LRRC1: variants seen among roughly 807,000 people sequenced by gnomAD.
The protein encoded by LRRC1 is leucine-rich repeat-containing protein 1.
LRRC1 carries 28 observed loss-of-function variants against 69.9 expected under a neutral mutation model. That is an observed-to-expected ratio of 0.40 (90% confidence interval 0.30 to 0.55). The LOEUF (loss-of-function observed/expected upper bound fraction) is 0.55. LRRC1 is among the 20% of genes least tolerant of loss of function. LRRC1 has a pLI of 0.47. For missense variants in LRRC1, 498 were observed against 609.0 expected, an observed-to-expected ratio of 0.82 and a Z score of 1.92; for synonymous variants, 236 against 240.2, an observed-to-expected ratio of 0.98 and a Z score of 0.16.
At chr6:53,800,375 C>G (rs748600173) in intron 1 of LRRC1, among the ~76,000 whole-genome samples, 2 of 148,920 alleles carry the variant, frequency 1.3e-5, no homozygotes, top group Non-Finnish European at 3.0e-5. Flanking sequence ...CTCAGCCTCT[C>G]GAGTAAGCTG....
chr6:53,879,137 AAC>A lies in LRRC1; in HGVS notation c.356+70_356+71del, dbSNP rs1767176639. On this transcript the variant is annotated intron_variant, in intron 3 of 13. Transcript: ENST00000370888. ...TATCTTTTTTGAGAGCCAAGCGGAG[AAC>A]ACAGTCAGGTTAACCATCTTGGAGG... The A allele has an allele frequency of 2.1e-5, 23 of 1,100,548 alleles. No homozygotes were observed. The South Asian group carries it at 2.6e-4, about 13-fold the overall frequency. 68.2% of individuals were successfully genotyped at this position (1,100,548 alleles called of 1,614,324 possible). A position where few individuals can be genotyped will look rare whatever the true frequency, so the allele number is the denominator to read the frequency against.
Position 53,899,881 on chromosome 6 carries a change from G to A in LRRC1, c.777G>A (p.Pro259=), listed in dbSNP as rs748487870. The change falls in exon 8 of 14, where the codon CCG becomes CCA. Residue 259 remains proline, a synonymous_variant. Coordinates refer to ENST00000370888, the MANE Select transcript of LRRC1 (RefSeq NM_018214.5). ...CCCAGAACTTATTAGAAACGATTCC[G>A]GATGGCATTGGTAAGCATTGGAAAT... ...VISQNLLETI[P]DGIGKLKKLS... is the part of the protein sequence containing the mutation. 2.9e-5 allele frequency: 46 copies of A among 1,613,640 alleles called. No individual in the cohort carries two copies. In the African/African-American group the frequency reaches 2.9e-4, roughly 10 times the overall value.
intron 12 of LRRC1, 138 bp downstream of exon 12, chr6:53,919,808 T>A: frequency 1.5e-6 from 1 of 658,162 alleles, no homozygotes; most frequent in East Asian, 2.9e-5. Context: ...GTGAGGCCAC[T>A]GTGGGACTCT....
intron 1 of LRRC1, among the ~76,000 whole-genome samples, chr6:53,838,659 G>C (rs112908803): frequency 2.0e-5 from 3 of 152,158 alleles, no homozygotes; most frequent in African/African-American, 7.2e-5. Flanking sequence ...ATTCAAATAC[G>C]TGACTCTATT....
chr6:53,893,911 T>C (rs1225975771), intron 4 of LRRC1, among the ~76,000 whole-genome samples: 1 of 152,194 alleles, frequency 6.6e-6, no homozygotes, highest in Non-Finnish European at 1.5e-5. Flanking sequence ...GCTCAAGTGT[T>C]GTTTGCTTAT....
At chr6:53,918,379 CT>C (rs1427437556) in intron 11 of LRRC1, among the ~76,000 whole-genome samples, 1 of 152,186 alleles carries the variant, frequency 6.6e-6, no homozygotes, top group Non-Finnish European at 1.5e-5. Context: ...ACACAGAAAT[CT>C]TTTGCAAAAT....
intron 4 of LRRC1, 131 bp downstream of exon 4, chr6:53,883,107 T>C (rs1767354961): frequency 1.7e-6 from 1 of 605,718 alleles, no homozygotes; most frequent in South Asian, 2.1e-5. Flanking sequence ...TAATGTGACC[T>C]TCAAGAAAGA....
intron 1 of LRRC1, among the ~76,000 whole-genome samples, chr6:53,840,884 TTGTGTGTGTGTGTGTGTGTGTG>T (rs57491487): frequency 8.0e-6 from 1 of 125,232 alleles, no homozygotes; most frequent in African/African-American, 3.0e-5. Context: ...GGGTATGTGT[TTGTGTGTGTGTGTGTGTGTGTG>T]TGTGTGTGTG....
intron 10 of LRRC1, among the ~76,000 whole-genome samples, chr6:53,911,960 C>G (rs529982397): frequency 6.6e-6 from 1 of 152,224 alleles, no homozygotes; most frequent in African/African-American, 2.4e-5. Context: ...GTTTCTAAAA[C>G]CTAAGAAAGG....
At chr6:53,808,282 G>A (rs138634676) in intron 1 of LRRC1, among the ~76,000 whole-genome samples, 19 of 152,218 alleles carry the variant, frequency 1.2e-4, no homozygotes, top group Middle Eastern at 6.8e-3. Context: ...CCTGCAGGAT[G>A]TAGATTTTTG....
intron 3 of LRRC1, among the ~76,000 whole-genome samples, chr6:53,881,513 A>G (rs1767291449): frequency 1.3e-5 from 2 of 152,254 alleles, no homozygotes; most frequent in Non-Finnish European, 2.9e-5. Flanking sequence ...TTGAATTATA[A>G]GTAAAAATCT....
At chr6:53,898,165 T>C (rs1437303571) in intron 7 of LRRC1, among the ~76,000 whole-genome samples, 1 of 152,204 alleles carries the variant, frequency 6.6e-6, no homozygotes, top group Non-Finnish European at 1.5e-5. Context: ...CTTTAGTAAA[T>C]TTTTAGTTGT....
chr6:53,876,851 T>A (rs1454164050), intron 2 of LRRC1, among the ~76,000 whole-genome samples: 1 of 152,210 alleles, frequency 6.6e-6, no homozygotes, highest in Non-Finnish European at 1.5e-5. Context: ...TGGTGGCTTT[T>A]CCAGGTGCAC....
chr6:53,837,064 C>T (rs1428883942), intron 1 of LRRC1, among the ~76,000 whole-genome samples: 1 of 152,120 alleles, frequency 6.6e-6, no homozygotes, highest in Admixed American at 6.5e-5. Flanking sequence ...CTTTCATTTT[C>T]ATTGCTGTGT....
chr6:53,922,972 C>T lies in LRRC1; in HGVS notation c.*179C>T, dbSNP rs1009934541. On this transcript the variant is annotated 3_prime_UTR_variant, in exon 14 of 14. Transcript: ENST00000370888. ...CCTTACTCATCCCGCAACCAGTCAG[C>T]GCACCAGTGGTCTCCCGGTGTGATT... 16 of 540,546 alleles carry T rather than the reference C, an allele frequency of 3.0e-5. No homozygotes were observed. The highest frequency in any genetic ancestry group is 4.8e-4 in the Middle Eastern group (1 of 2,082). 33.5% of individuals were successfully genotyped at this position (540,546 alleles called of 1,614,324 possible). A position where few individuals can be genotyped will look rare whatever the true frequency, so the allele number is the denominator to read the frequency against.
intron 2 of LRRC1, among the ~76,000 whole-genome samples, chr6:53,859,475 A>G (rs561825852): frequency 3.3e-5 from 5 of 152,324 alleles, no homozygotes; most frequent in Admixed American, 2.0e-4. Context: ...ATAAAATAGC[A>G]TGACAGAACC....
intron 4 of LRRC1, chr6:53,883,893 C>G: frequency 1.4e-6 from 1 of 717,218 alleles, no homozygotes; most frequent in South Asian, 1.5e-5. Flanking sequence ...GTTCTCTTTC[C>G]AGAGGTTTAT....
At chr6:53,842,335 T>C (rs1765817533) in intron 2 of LRRC1, 108 bp downstream of exon 2, 7 of 707,490 alleles carry the variant, frequency 9.9e-6, no homozygotes, top group South Asian at 3.7e-5. Context: ...TTTTTGTCCT[T>C]GTGATAGTTC....
In LRRC1 at chr6:53,919,537, G is replaced by A. The variant is rs1768676540; in HGVS notation, c.1146G>A (p.Leu382=). ...CTTTATCCCTGACTGCCTTGAAGTT[G>A]AAGGCTCTGTGGCTATCTGACAACC... ...HLPLSLTALK[L]KALWLSDNQS... is the part of the protein sequence containing the mutation. Residue 382 remains leucine, a synonymous_variant, in exon 12 of 14, where the codon TTG becomes TTA. Coordinates refer to ENST00000370888, the MANE Select transcript of LRRC1 (RefSeq NM_018214.5). 1 of 1,603,686 alleles carries A rather than the reference G, an allele frequency of 6.2e-7. No homozygotes were observed. The highest frequency in any genetic ancestry group is 8.5e-7 in the Non-Finnish European group (1 of 1,175,202).
Sources: allele counts gnomAD v4.1 joint callset (sites outside exome capture counted in the v4.1 genomes callset), GRCh38; gene constraint gnomAD v4.1.1; transcripts MANE v1.5; gene names NCBI Gene and HGNC (gene_info 2026-07-23, HGNC 2026-07-21).